MALRD1: variants seen among roughly 807,000 people sequenced by gnomAD.
MALRD1 encodes MAM and LDL receptor class A domain containing 1.
A neutral mutation model predicts 242.1 loss-of-function variants in MALRD1; 247 were observed. The observed-to-expected ratio is 1.02, with a 90% CI of 0.92 to 1.13. The LOEUF is 1.13. MALRD1 is among the 50% of genes most tolerant of loss of function. MALRD1 has a pLI of 0.00. For missense variants in MALRD1, 2,989 were observed against 2,533.1 expected (o/e 1.18, Z -3.86); for synonymous variants, 995 against 866.6 (o/e 1.15, Z -2.60).
intron 36 of MALRD1, among the ~76,000 whole-genome samples, chr10:19,659,069 C>T (rs1483066822): frequency 1.3e-5 from 2 of 152,126 alleles, no homozygotes; most frequent in Non-Finnish European, 2.9e-5. Context: ...CTACTTTTTG[C>T]TCTTTAGCCA....
chr10:19,670,273 TTTC>T (rs1021775169), intron 36 of MALRD1, among the ~76,000 whole-genome samples: 13 of 152,124 alleles, frequency 8.5e-5, no homozygotes, highest in Non-Finnish European at 1.6e-4. Context: ...ACCCATGAAT[TTTC>T]TTAAGGGATT....
intron 36 of MALRD1, among the ~76,000 whole-genome samples, chr10:19,651,379 T>C (rs1840881432): frequency 6.6e-6 from 1 of 152,154 alleles, no homozygotes; most frequent in Admixed American, 6.6e-5. Flanking sequence ...CTCAACTATG[T>C]GTCTTTAGAA....
chr10:19,585,273 G>A (rs1301153401), intron 33 of MALRD1, among the ~76,000 whole-genome samples: 2 of 151,180 alleles, frequency 1.3e-5, no homozygotes, highest in Non-Finnish European at 3.0e-5. Context: ...TCATTATGAT[G>A]TTAGCTGGTT....
In MALRD1 at chr10:19,165,776, T is replaced by C. The variant is rs1222724513; in HGVS notation, c.1796T>C (p.Ile599Thr). 13 of 1,231,582 alleles carry C rather than the reference T, an allele frequency of 1.1e-5. No homozygotes were observed. The highest frequency in any genetic ancestry group is 1.6e-5 in the African/African-American group (1 of 64,416). The allele number at this position is 1,231,582 out of a possible 1,614,324, so 76.3% of individuals were successfully genotyped here. Residue 599 changes from isoleucine (I) to threonine (T), a missense_variant, in exon 13 of 40, where the codon ATT (isoleucine) becomes ACT (threonine). Coordinates refer to ENST00000454679, the MANE Select transcript of MALRD1 (RefSeq NM_001142308.3). ...SQWSHAKIDLIAEAGESTLPF... is the reference protein window; with the variant it reads ...SQWSHAKIDLTAEAGESTLPF... ...TGGAGCCACGCAAAAATTGATCTCA[T>C]TGCAGAAGCGGGAGAATCTACTCTA...
At position 19,504,663 on chromosome 10, in the gene MALRD1, CATTTTTT is replaced by C. The variant is rs1380122183; in HGVS notation, c.5320+6018_5320+6024del. On this transcript the variant is annotated intron_variant, in intron 31 of 39. Transcript: ENST00000454679. ...AACATATAATGACTATATTGTAACA[CATTTTTT>C]TTTTTTTTTTTTTTTTTTTTTTTGA... is the stretch of plus-strand genomic sequence containing the variant. Among the ~76,000 whole-genome samples, 205 of 128,694 alleles carry C rather than the reference CATTTTTT, an allele frequency of 1.6e-3. 2 individuals are homozygous for C. Among genetic ancestry groups the C allele is most frequent in the African/African-American group, 5.2e-3 (165 of 31,650 alleles). The allele number at this position is 128,694 out of a possible 152,430, so 84.4% of individuals were successfully genotyped here.
chr10:19,119,413 A>C lies in MALRD1; in HGVS notation c.695-4079A>C, dbSNP rs184546592. Among the ~76,000 whole-genome samples, 76 of 152,296 alleles carry C rather than the reference A, an allele frequency of 5.0e-4. 2 individuals are homozygous for C. Among genetic ancestry groups the C allele is most frequent in the Admixed American group, 3.1e-3 (48 of 15,294 alleles). ...CTGGAGTTATATTATCATGCAAATC[A>C]GTCTCGCTGAGCATTCAGGGATCAG... On this transcript the variant is annotated intron_variant, in intron 5 of 39. Coordinates refer to ENST00000454679, the MANE Select transcript of MALRD1 (RefSeq NM_001142308.3).
chr10:19,473,183 G>A (rs1347202943), intron 29 of MALRD1, among the ~76,000 whole-genome samples: 1 of 138,542 alleles, frequency 7.2e-6, no homozygotes, highest in African/African-American at 2.7e-5. Context: ...TTTCTTAAAT[G>A]TGAAATTTTT....
intron 33 of MALRD1, among the ~76,000 whole-genome samples, chr10:19,582,251 C>T (rs1207704374): frequency 1.3e-5 from 2 of 151,966 alleles, no homozygotes; most frequent in Non-Finnish European, 2.9e-5. Flanking sequence ...CCAATTTTGT[C>T]TTTTGTTGCC....
At chr10:19,413,369 C>T (rs751745086) in intron 28 of MALRD1, among the ~76,000 whole-genome samples, 11 of 152,082 alleles carry the variant, frequency 7.2e-5, no homozygotes, top group Non-Finnish European at 8.8e-5. Flanking sequence ...TCAGAAAAAG[C>T]GCCCTAACCC....
At chr10:19,489,207 C>G (rs1837372257) in intron 29 of MALRD1, 4 of 472,958 alleles carry the variant, frequency 8.5e-6, no homozygotes, top group Non-Finnish European at 1.3e-5. Flanking sequence ...CAGGCGAAGC[C>G]GAAAAAGGCA....
At chr10:19,603,131 C>T (rs1838444860) in intron 34 of MALRD1, among the ~76,000 whole-genome samples, 1 of 152,086 alleles carries the variant, frequency 6.6e-6, no homozygotes, top group South Asian at 2.1e-4. Context: ...AATTTTCTCC[C>T]ATTCTGTAGG....
intron 28 of MALRD1, among the ~76,000 whole-genome samples, chr10:19,420,758 C>T (rs913724169): frequency 1.3e-5 from 2 of 152,188 alleles, no homozygotes; most frequent in African/African-American, 4.8e-5. Context: ...CTTACAGAAA[C>T]TTCCAGGGAT....
intron 24 of MALRD1, among the ~76,000 whole-genome samples, chr10:19,335,183 TTTTTTTTTG>T (rs1395972706): frequency 2.0e-4 from 19 of 94,360 alleles, no homozygotes; most frequent in African/African-American, 8.9e-4. Flanking sequence ...TCTTGTTCTG[TTTTTTTTTG>T]TTTTTTTTTT....
chr10:19,152,520 A>T lies in MALRD1; in HGVS notation c.1559-2555A>T, dbSNP rs573662442. Among the ~76,000 whole-genome samples the T allele has an allele frequency of 7.3e-5, 11 of 149,738 alleles. No individual in the cohort carries two copies. The East Asian group carries it at 2.1e-3, about 29-fold the overall frequency. ...GTTTGCAGTCTTTCACAAAGTTTAT[A>T]ATGTTCTTCATATAAATCATGTCCC... On this transcript the variant is annotated intron_variant, in intron 11 of 39. Transcript: ENST00000454679.
At chr10:19,488,979 G>A (rs1837351367) in intron 29 of MALRD1, 4 of 439,236 alleles carry the variant, frequency 9.1e-6, no homozygotes, top group African/African-American at 2.0e-5. Context: ...AGGAGAAGGC[G>A]GGCTCCCAAT....
intron 28 of MALRD1, among the ~76,000 whole-genome samples, chr10:19,424,684 T>A (rs1833837810): frequency 6.6e-6 from 1 of 152,202 alleles, no homozygotes; most frequent in South Asian, 2.1e-4. Flanking sequence ...ATTGCCTGAT[T>A]TGGTTTTCAG....
chr10:19,324,216 A>G, intron 22 of MALRD1, 111 bp downstream of exon 22: 1 of 1,046,896 alleles, frequency 9.6e-7, no homozygotes, highest in Non-Finnish European at 1.4e-6. Flanking sequence ...ACAATTACCA[A>G]CACTTCACTA....
chr10:19,330,237 A>AT (rs996856028), intron 23 of MALRD1, among the ~76,000 whole-genome samples: 39 of 148,716 alleles, frequency 2.6e-4, no homozygotes, highest in Middle Eastern at 3.6e-3. Flanking sequence ...ACACAGTTAT[A>AT]TTTTTTTTTT....
chr10:19,442,609 G>C (rs550116035), intron 28 of MALRD1, among the ~76,000 whole-genome samples: 41 of 152,204 alleles, frequency 2.7e-4, no homozygotes, highest in African/African-American at 6.3e-4. Flanking sequence ...CTGTTTATAT[G>C]CTGGATTATG....
Sources: allele counts gnomAD v4.1 joint callset (sites outside exome capture counted in the v4.1 genomes callset), GRCh38; gene constraint gnomAD v4.1.1; transcripts MANE v1.5; gene names NCBI Gene and HGNC (gene_info 2026-07-23, HGNC 2026-07-21).